The following CNNM4 variants were observed in gnomAD, a reference collection of about 807,000 sequenced individuals.
CNNM4 encodes the protein cyclin and CBS domain divalent metal cation transport mediator 4.
CNNM4 carries 32 observed loss-of-function variants against 53.7 expected under a neutral mutation model. The observed-to-expected ratio is 0.60, with a 90% CI of 0.45 to 0.80. The LOEUF is 0.80. CNNM4 is among the 30% of genes least tolerant of loss of function. The pLI is 0.00. For missense variants in CNNM4, 784 were observed against 1,022.0 expected (o/e 0.77, Z 3.17); for synonymous variants, 410 against 440.0 (o/e 0.93, Z 0.85).
intron 1 of CNNM4, among the ~76,000 whole-genome samples, chr2:96,784,076 C>A (rs1250963549): frequency 6.6e-6 from 1 of 152,060 alleles, no homozygotes; most frequent in African/African-American, 2.4e-5. Flanking sequence ...CAGAAAAAAA[C>A]TCTGTCTCTA....
chr2:96,786,224 G>A (rs564651621), intron 1 of CNNM4, among the ~76,000 whole-genome samples: 3 of 151,588 alleles, frequency 2.0e-5, no homozygotes, highest in African/African-American at 4.8e-5. Context: ...TGAAACCAGC[G>A]TGGCCAACAT....
At chr2:96,807,452 G>A (rs2079219666) in intron 5 of CNNM4, among the ~76,000 whole-genome samples, 1 of 151,482 alleles carries the variant, frequency 6.6e-6, no homozygotes, top group Non-Finnish European at 1.5e-5. Flanking sequence ...GTGAAACCCC[G>A]TCTCTACTAA....
chr2:96,769,929 C>T (rs1264408681), intron 1 of CNNM4, among the ~76,000 whole-genome samples: 1 of 152,228 alleles, frequency 6.6e-6, no homozygotes, highest in African/African-American at 2.4e-5. Context: ...CGGGTGCAGG[C>T]AGAGGTCCCA....
chr2:96,796,110 A>G (rs1460036231), intron 1 of CNNM4, among the ~76,000 whole-genome samples: 2 of 127,170 alleles, frequency 1.6e-5, no homozygotes, highest in Non-Finnish European at 1.7e-5. Context: ...GAAGCCCCTG[A>G]TAAGTGATAC....
intron 1 of CNNM4, among the ~76,000 whole-genome samples, chr2:96,772,667 A>G (rs1287056718): frequency 1.9e-5 from 2 of 106,564 alleles, no homozygotes; most frequent in African/African-American, 7.5e-5. Flanking sequence ...ACATGCGTGC[A>G]CACACACACA....
At chr2:96,765,776 T>TC (rs2078812304) in intron 1 of CNNM4, among the ~76,000 whole-genome samples, 2 of 148,942 alleles carry the variant, frequency 1.3e-5, no homozygotes, top group South Asian at 2.1e-4. Flanking sequence ...TGCTGTTCTT[T>TC]TTTTCTTTCT....
chr2:96,767,964 G>A (rs528552509), intron 1 of CNNM4, among the ~76,000 whole-genome samples: 1 of 152,310 alleles, frequency 6.6e-6, no homozygotes, highest in East Asian at 1.9e-4. Flanking sequence ...CCCAGCTACT[G>A]GGGTGGCTGA....
Position 96,761,891 on chromosome 2 carries a change from G to T in CNNM4, c.892G>T (p.Val298Leu), listed in dbSNP as rs763543912. 7.4e-6 allele frequency: 12 copies of T among 1,614,086 alleles called. No homozygotes were observed. The highest frequency in any genetic ancestry group is 9.3e-6 in the Non-Finnish European group (11 of 1,180,038). ...CCTGTGCTCCCGACATGGGCTGGCTGTGGGTGCCAACACCATCCTTCTCAC... is the reference window on the plus strand; with the variant it reads ...CCTGTGCTCCCGACATGGGCTGGCTTTGGGTGCCAACACCATCCTTCTCAC... ...QALCSRHGLA[V>L]GANTILLTKF... The change falls in exon 1 of 7, where the codon GTG (valine) becomes TTG (leucine). Residue 298 changes from valine to leucine, a missense_variant. Around this residue, in one of 3 missense-constraint regions of CNNM4, gnomAD observed 473 missense variants for 624.6 expected, o/e 0.76. Coordinates refer to ENST00000377075, the MANE Select transcript of CNNM4 (RefSeq NM_020184.4). This position sits in a 1 kb window ranked among gnomAD's most constrained non-coding sequence, Gnocchi z 6.0.
At chr2:96,785,425 C>G (rs984243284) in intron 1 of CNNM4, among the ~76,000 whole-genome samples, 6 of 151,088 alleles carry the variant, frequency 4.0e-5, no homozygotes, top group South Asian at 2.1e-4. Context: ...TTCCTGTAGC[C>G]CCAGAGTTTG....
In CNNM4 at chr2:96,808,596, T is replaced by C; in HGVS notation, c.1984T>C (p.Ser662Pro). The C allele has an allele frequency of 6.2e-7, 1 of 1,614,094 alleles. No individual in the cohort carries two copies. ...SPAHPTPLSR[S>P]ASLSYPDRTD... ...AGCACACCCCACCCCACTCAGCCGC[T>C]CAGCCTCCCTCAGTTACCCAGACCG... Residue 662 changes from serine to proline, a missense_variant, in exon 6 of 7, where the codon TCA becomes CCA. Physicochemically the swap from Ser to Pro is moderately conservative, Grantham distance 74. This residue lies in a region of CNNM4 where 307 missense variants were observed against 376.3 expected (regional missense o/e 0.82). Transcript: ENST00000377075. The surrounding 1 kb of genome is among the most constrained non-coding windows in gnomAD (Gnocchi z 4.9).
intron 1 of CNNM4, among the ~76,000 whole-genome samples, chr2:96,791,565 G>A (rs2079062685): frequency 6.6e-6 from 1 of 151,326 alleles, no homozygotes; most frequent in Non-Finnish European, 1.5e-5. Context: ...CTTGAGCCTG[G>A]GCAAAAGAGA....
In CNNM4 at chr2:96,797,626, G is replaced by A. The variant is rs764294792; in HGVS notation, c.1660G>A (p.Ala554Thr). 9 of 1,613,934 alleles carry A rather than the reference G, an allele frequency of 5.6e-6. No homozygotes were observed. The highest frequency in any genetic ancestry group is 4.0e-5 in the African/African-American group (3 of 74,914). ...VKISPQLLLA[A>T]HRFLATEVSQ... Reference sequence around the variant, plus strand: ...AATCTCCCCGCAGCTCCTCCTGGCCGCTCATCGCTTCCTAGCCACAGGTAG... The same window carrying A: ...AATCTCCCCGCAGCTCCTCCTGGCCACTCATCGCTTCCTAGCCACAGGTAG... The change falls in exon 3 of 7, where the codon GCT (alanine) becomes ACT (threonine). Residue 554 changes from alanine (A) to threonine (T), a missense_variant. By Grantham distance (58) the Ala-to-Thr change is moderately conservative (BLOSUM62 0). Around this residue, in one of 3 missense-constraint regions of CNNM4, gnomAD observed 307 missense variants for 376.3 expected, o/e 0.82. Coordinates refer to ENST00000377075, the MANE Select transcript of CNNM4 (RefSeq NM_020184.4). This position sits in a 1 kb window ranked among gnomAD's most constrained non-coding sequence, Gnocchi z 6.0.
intron 6 of CNNM4, among the ~76,000 whole-genome samples, chr2:96,809,003 T>G (rs917882673): frequency 9.6e-4 from 112 of 117,046 alleles, no homozygotes; most frequent in Non-Finnish European, 1.4e-3. Flanking sequence ...TGGCTTCGGG[T>G]TTTTTTTTTT....
chr2:96,809,753 G>A lies in CNNM4; in HGVS notation c.*236G>A. 1 of 456,662 alleles carries A rather than the reference G, an allele frequency of 2.2e-6. No individual in the cohort carries two copies. The highest frequency in any genetic ancestry group is 3.9e-6 in the Non-Finnish European group (1 of 256,988). 28.3% of individuals were successfully genotyped at this position (456,662 alleles called of 1,614,324 possible). On this transcript the variant is annotated 3_prime_UTR_variant, in exon 7 of 7. Coordinates refer to ENST00000377075, the MANE Select transcript of CNNM4 (RefSeq NM_020184.4). ...CAGTGGGCCAGCTACCGTAAGCAAA[G>A]GCTGTTTTTTACTGAGAGAATTTCT...
chr2:96,778,076 A>G (rs1242069407), intron 1 of CNNM4, among the ~76,000 whole-genome samples: 1 of 150,886 alleles, frequency 6.6e-6, no homozygotes, highest in Non-Finnish European at 1.5e-5. Context: ...CATGTTGCCC[A>G]GGCTGGTCTT....
Position 96,787,100 on chromosome 2 carries a change from A to G in CNNM4, c.1403-9912A>G, listed in dbSNP as rs59851813. Reference sequence around the variant, plus strand: ...TTAAGAGCCCTGCAATATTGTTACAAATAACATTGGCAGGCCCTCCTGGGC... The same window carrying G: ...TTAAGAGCCCTGCAATATTGTTACAGATAACATTGGCAGGCCCTCCTGGGC... On this transcript the variant is annotated intron_variant, in intron 1 of 6. Coordinates refer to ENST00000377075, the MANE Select transcript of CNNM4 (RefSeq NM_020184.4). 3.7e-3 allele frequency among the ~76,000 whole-genome samples: 556 copies of G among 152,320 alleles called. 1 individual carries two copies. Among genetic ancestry groups the G allele is most frequent in the African/African-American group, 0.013 (527 of 41,556 alleles).
At position 96,797,723 on chromosome 2, in the gene CNNM4, C is replaced by T; in HGVS notation, c.1681+76C>T. 6.3e-7 allele frequency: 1 copy of T among 1,585,698 alleles called. No homozygotes were observed. Among genetic ancestry groups the T allele is most frequent in the Non-Finnish European group, 8.6e-7 (1 of 1,167,596 alleles). On this transcript the variant is annotated intron_variant, in intron 3 of 6. Transcript: ENST00000377075. The surrounding 1 kb of genome is among the most constrained non-coding windows in gnomAD (Gnocchi z 6.0). Reference sequence around the variant, plus strand: ...GAAGTCCTGGGTTTCCGGCTGCTTTCCCCCCATAGGACGAGGGCTGCAGCA... The same window carrying T: ...GAAGTCCTGGGTTTCCGGCTGCTTTTCCCCCATAGGACGAGGGCTGCAGCA...
At chr2:96,796,554 G>C (rs531761534) in intron 1 of CNNM4, among the ~76,000 whole-genome samples, 1 of 152,008 alleles carries the variant, frequency 6.6e-6, no homozygotes, top group Non-Finnish European at 1.5e-5. Context: ...TTGAGCCCAG[G>C]AGTTTGAGAC....
chr2:96,773,417 C>T (rs1213841730), intron 1 of CNNM4, among the ~76,000 whole-genome samples: 1 of 152,190 alleles, frequency 6.6e-6, no homozygotes, highest in Non-Finnish European at 1.5e-5. Flanking sequence ...CCAGTTGACA[C>T]TGATGCCAAC....
Sources: allele counts gnomAD v4.1 joint callset (sites outside exome capture counted in the v4.1 genomes callset), GRCh38; gene constraint gnomAD v4.1.1; regional missense constraint gnomAD v4.1.1; non-coding constraint Gnocchi (gnomAD v3.1); transcripts MANE v1.5; gene names NCBI Gene and HGNC (gene_info 2026-07-23, HGNC 2026-07-21).